Variants in R3HCC1L observed in about 807,000 individuals in gnomAD.
R3HCC1L encodes R3H domain and coiled-coil containing 1 like.
R3HCC1L carries 51 observed loss-of-function variants against 59.9 expected under a neutral mutation model. The ratio of observed to expected loss-of-function variants is 0.85; its 90% CI spans 0.68 to 1.07. R3HCC1L has a LOEUF of 1.07. Among genes scored for constraint, R3HCC1L ranks in the 50% least tolerant of loss-of-function variants. The pLI, the probability that R3HCC1L is intolerant of heterozygous loss-of-function variation, is 0.00. For synonymous variants in R3HCC1L, 322 were observed against 315.2 expected, an observed-to-expected ratio of 1.02 and a Z score of -0.23; for missense variants, 965 against 933.0, an observed-to-expected ratio of 1.03 and a Z score of -0.45.
intron 1 of R3HCC1L, among the ~76,000 whole-genome samples, chr10:98,152,719 G>A (rs1196752200): frequency 7.6e-6 from 1 of 132,092 alleles, no homozygotes; most frequent in Non-Finnish European, 1.7e-5. Flanking sequence ...CTGCTGGGCC[G>A]CCCCGTCTGA....
chr10:98,209,703 C>G lies in R3HCC1L; in HGVS notation c.1589C>G (p.Thr530Arg). The change falls in exon 5 of 10, where the codon ACA (threonine) becomes AGA (arginine). Residue 530 changes from threonine (T) to arginine (R), a missense_variant. Transcript: ENST00000298999. ...CTAAGAACTGCCGAAGAGTTCAAAA[C>G]AGAAGAGCAAGATGACTCAGGGAGT... ...HELRTAEEFK[T>R]EEQDDSGSIE... The G allele has an allele frequency of 6.2e-7, 1 of 1,613,962 alleles. No homozygotes were observed. The highest frequency in any genetic ancestry group is 2.2e-5 in the East Asian group (1 of 44,864).
At chr10:98,242,186 T>G (rs917251615) in intron 9 of R3HCC1L, among the ~76,000 whole-genome samples, 2 of 151,944 alleles carry the variant, frequency 1.3e-5, no homozygotes, top group Non-Finnish European at 2.9e-5. Flanking sequence ...CTCTACTACA[T>G]ATACAAAAAA....
chr10:98,195,249 GAGGTATCTAA>G (rs1590657293), intron 4 of R3HCC1L, among the ~76,000 whole-genome samples: 1 of 152,220 alleles, frequency 6.6e-6, no homozygotes, highest in East Asian at 1.9e-4. Context: ...TCACTAATAT[GAGGTATCTAA>G]AGGAATTAAA....
intron 4 of R3HCC1L, among the ~76,000 whole-genome samples, chr10:98,187,534 T>C (rs532224998): frequency 5.9e-5 from 9 of 152,252 alleles, no homozygotes; most frequent in African/African-American, 2.2e-4. Context: ...CAGGAAATTA[T>C]GGTTTACAAG....
At chr10:98,143,270 T>G (rs1256340145) in intron 1 of R3HCC1L, among the ~76,000 whole-genome samples, 1 of 152,244 alleles carries the variant, frequency 6.6e-6, no homozygotes, top group Non-Finnish European at 1.5e-5. Context: ...GAAATAGTCT[T>G]GATTTGTTTA....
Position 98,208,958 on chromosome 10 carries a change from G to A in R3HCC1L, c.844G>A (p.Val282Ile), listed in dbSNP as rs187052457. ...AGATGGTGTCTTTGATCAAACTTGC[G>A]TAGATTTTGAAGTTGAGAGTGTAGG... ...SPDGVFDQTC[V>I]DFEVESVGGI... is the part of the protein sequence containing the mutation. The change falls in exon 5 of 10, where the codon GTA (valine) becomes ATA (isoleucine). Residue 282 changes from valine to isoleucine, a missense_variant. Val to Ile is a conservative substitution (Grantham distance 29). Coordinates refer to ENST00000298999, the MANE Select transcript of R3HCC1L (RefSeq NM_001351015.2). The A allele has an allele frequency of 5.6e-5, 90 of 1,614,002 alleles. No homozygotes were observed. The Admixed American group carries it at 6.2e-4, about 11-fold the overall frequency.
At chr10:98,240,921 A>C (rs1049166658) in intron 9 of R3HCC1L, among the ~76,000 whole-genome samples, 9 of 152,058 alleles carry the variant, frequency 5.9e-5, no homozygotes, top group African/African-American at 2.2e-4. Flanking sequence ...GAAAATGTTA[A>C]CTAGGACTAA....
chr10:98,228,181 C>G (rs1416598037), intron 5 of R3HCC1L, among the ~76,000 whole-genome samples: 2 of 152,164 alleles, frequency 1.3e-5, no homozygotes, highest in East Asian at 3.8e-4. Flanking sequence ...ATGGTTGAAC[C>G]AGTTTATAGT....
intron 1 of R3HCC1L, among the ~76,000 whole-genome samples, chr10:98,152,885 TC>T (rs1259244164): frequency 6.7e-6 from 1 of 149,714 alleles, no homozygotes; most frequent in African/African-American, 2.5e-5. Flanking sequence ...AGCCACCCCG[TC>T]CGGGAGGGAG....
At chr10:98,140,200 G>A (rs1246412395) in intron 1 of R3HCC1L, among the ~76,000 whole-genome samples, 4 of 152,144 alleles carry the variant, frequency 2.6e-5, no homozygotes, top group Non-Finnish European at 5.9e-5. Flanking sequence ...AGAAAGAAGG[G>A]AAGCAGTTGG....
intron 1 of R3HCC1L, among the ~76,000 whole-genome samples, chr10:98,147,748 A>C (rs535802703): frequency 6.6e-6 from 1 of 151,976 alleles, no homozygotes; most frequent in African/African-American, 2.4e-5. Context: ...TGGATTCTCT[A>C]TTTTGTCCCA....
intron 1 of R3HCC1L, among the ~76,000 whole-genome samples, chr10:98,151,026 T>C (rs1013302062): frequency 1.3e-5 from 2 of 152,196 alleles, no homozygotes; most frequent in Non-Finnish European, 2.9e-5. Flanking sequence ...GAAAGGGGCA[T>C]CATGGTTATG....
chr10:98,165,912 C>T (rs1456745478), intron 4 of R3HCC1L, among the ~76,000 whole-genome samples: 1 of 152,232 alleles, frequency 6.6e-6, no homozygotes, highest in Non-Finnish European at 1.5e-5. Flanking sequence ...TGGCTCATGC[C>T]TGTAATCCCA....
At chr10:98,173,595 C>T (rs966763950) in intron 4 of R3HCC1L, among the ~76,000 whole-genome samples, 5 of 152,096 alleles carry the variant, frequency 3.3e-5, no homozygotes, top group African/African-American at 9.7e-5. Flanking sequence ...TCCGTCACTT[C>T]GCATTAATTA....
rs769295646 is a variant in R3HCC1L, at chr10:98,209,474, C to T, written c.1360C>T (p.His454Tyr). ...SDIYGESISSHFTESTGKLIE... is the reference protein window; with the variant it reads ...SDIYGESISSYFTESTGKLIE... ...TATTTATGGTGAGAGTATTTCATCT[C>T]ATTTTACAGAGTCAACAGGAAAGTT... The change falls in exon 5 of 10, where the codon CAT (histidine) becomes TAT (tyrosine). Residue 454 changes from histidine (H) to tyrosine (Y), a missense_variant. His to Tyr is a moderately conservative substitution (Grantham distance 83, BLOSUM62 2). Coordinates refer to ENST00000298999, the MANE Select transcript of R3HCC1L (RefSeq NM_001351015.2). 21 of 1,613,574 alleles carry T rather than the reference C, an allele frequency of 1.3e-5. No homozygotes were observed. The South Asian group carries it at 1.8e-4, about 13-fold the overall frequency.
chr10:98,215,647 C>T (rs889173337), intron 5 of R3HCC1L, among the ~76,000 whole-genome samples: 2 of 152,146 alleles, frequency 1.3e-5, no homozygotes, highest in Non-Finnish European at 2.9e-5. Context: ...TCTTAAGACA[C>T]CTTTGTACTT....
Position 98,236,159 on chromosome 10 carries a change from C to G in R3HCC1L, c.2264C>G (p.Ala755Gly). 1 of 1,613,592 alleles carries G rather than the reference C, an allele frequency of 6.2e-7. No individual in the cohort carries two copies. Among genetic ancestry groups the G allele is most frequent in the Non-Finnish European group, 8.5e-7 (1 of 1,179,752 alleles). The part of the protein sequence containing the change: ...REAELKKLQE[A>G]RERKRLEAKQ... ...GCAGAGCTCAAGAAACTGCAAGAAGCCAGAGGTGAGCTGAAAGGGTGGTGT... is the reference window on the plus strand; with the variant it reads ...GCAGAGCTCAAGAAACTGCAAGAAGGCAGAGGTGAGCTGAAAGGGTGGTGT... Residue 755 changes from alanine (A) to glycine (G), a missense_variant, in exon 9 of 10, where the codon GCC becomes GGC. Coordinates refer to ENST00000298999, the MANE Select transcript of R3HCC1L (RefSeq NM_001351015.2).
chr10:98,159,328 AT>A (rs1447802514), intron 2 of R3HCC1L, among the ~76,000 whole-genome samples: 1 of 152,036 alleles, frequency 6.6e-6, no homozygotes. Flanking sequence ...TCCTTTTGTA[AT>A]TTTTTTGTGG....
Position 98,239,436 on chromosome 10 carries a change from C to G in R3HCC1L, c.2269+3272C>G, listed in dbSNP as rs1315697860. On this transcript the variant is annotated intron_variant, in intron 9 of 9. Coordinates refer to ENST00000298999, the MANE Select transcript of R3HCC1L (RefSeq NM_001351015.2). ...ATGGTATAATAATCTCCCAGCCTTT[C>G]TTTCTCCCGCTTGAAGACTTCTGCT... 2.0e-5 allele frequency among the ~76,000 whole-genome samples: 3 copies of G among 152,048 alleles called. No homozygotes were observed. The East Asian group carries it at 5.8e-4, about 30-fold the overall frequency.
Sources: allele counts gnomAD v4.1 joint callset (sites outside exome capture counted in the v4.1 genomes callset), GRCh38; gene constraint gnomAD v4.1.1; transcripts MANE v1.5; gene names NCBI Gene and HGNC (gene_info 2026-07-23, HGNC 2026-07-21).